The following IGF1R variants were observed in gnomAD, a reference collection of about 807,000 sequenced individuals.
The protein encoded by IGF1R is insulin-like growth factor 1 receptor.
IGF1R carries 44 observed loss-of-function variants against 144.6 expected under a neutral mutation model. The ratio of observed to expected loss-of-function variants is 0.30; its 90% CI spans 0.24 to 0.39. The LOEUF (loss-of-function observed/expected upper bound fraction) is 0.39. Ranked by LOEUF, IGF1R falls within the 10% of genes least tolerant of loss-of-function variation. IGF1R has a pLI of 1.00. For missense variants in IGF1R, 1,355 were observed against 1,833.7 expected (o/e 0.74, Z 4.77); for synonymous variants, 795 against 722.8 (o/e 1.10, Z -1.60).
chr15:98,762,278 C>T (rs2055324208), intron 2 of IGF1R, among the ~76,000 whole-genome samples: 2 of 146,532 alleles, frequency 1.4e-5, no homozygotes, highest in South Asian at 4.3e-4. Context: ...GGCTCTGCTG[C>T]CCAGGCTGGA....
At chr15:98,815,692 G>A (rs187375799) in intron 2 of IGF1R, among the ~76,000 whole-genome samples, 181 of 152,238 alleles carry the variant, frequency 1.2e-3, no homozygotes, top group East Asian at 2.9e-3. Context: ...GGAGAGTTTT[G>A]TGTGACTCTG....
intron 2 of IGF1R, among the ~76,000 whole-genome samples, chr15:98,781,207 C>T (rs1176228893): frequency 6.6e-6 from 1 of 152,190 alleles, no homozygotes; most frequent in African/African-American, 2.4e-5. Flanking sequence ...CACTTCTTCC[C>T]AAATTGATTT....
intron 2 of IGF1R, among the ~76,000 whole-genome samples, chr15:98,864,033 A>G (rs531365093): frequency 1.3e-5 from 2 of 152,242 alleles, no homozygotes; most frequent in African/African-American, 4.8e-5. Context: ...CATAGGCAAG[A>G]GGATTGCTTG....
intron 2 of IGF1R, among the ~76,000 whole-genome samples, chr15:98,825,824 A>G (rs370088242): frequency 1.1e-4 from 16 of 152,048 alleles, no homozygotes; most frequent in African/African-American, 3.9e-4. Context: ...CAAGCATCCT[A>G]TTTTTTTTCC....
intron 1 of IGF1R, among the ~76,000 whole-genome samples, chr15:98,666,702 G>A (rs749050389): frequency 2.6e-5 from 4 of 152,212 alleles, no homozygotes; most frequent in South Asian, 2.1e-4. Context: ...TCATAGAGAC[G>A]GAAAGTAGAA....
intron 1 of IGF1R, among the ~76,000 whole-genome samples, chr15:98,653,749 C>T (rs997397057): frequency 6.6e-6 from 1 of 152,212 alleles, no homozygotes; most frequent in African/African-American, 2.4e-5. Context: ...TTGTCTAAGG[C>T]TTAGTTTACT....
chr15:98,825,979 C>T (rs890280203), intron 2 of IGF1R, among the ~76,000 whole-genome samples: 8 of 152,116 alleles, frequency 5.3e-5, no homozygotes, highest in Admixed American at 4.6e-4. Flanking sequence ...GTGACCTTTC[C>T]ATACTTTTCA....
intron 2 of IGF1R, among the ~76,000 whole-genome samples, chr15:98,864,900 A>G (rs1462889124): frequency 1.3e-5 from 2 of 152,218 alleles, no homozygotes; most frequent in African/African-American, 4.8e-5. Flanking sequence ...TAATTTTATT[A>G]TGGCCCTCAC....
At chr15:98,877,036 A>C (rs531125268) in intron 2 of IGF1R, among the ~76,000 whole-genome samples, 1 of 152,236 alleles carries the variant, frequency 6.6e-6, no homozygotes, top group Non-Finnish European at 1.5e-5. Flanking sequence ...GCCATCAGAA[A>C]GTAACCAGAT....
At chr15:98,772,772 A>G (rs1048975862) in intron 2 of IGF1R, among the ~76,000 whole-genome samples, 3 of 151,714 alleles carry the variant, frequency 2.0e-5, no homozygotes, top group Non-Finnish European at 2.9e-5. Flanking sequence ...GGAGGAATCA[A>G]TAACAGGAAC....
chr15:98,909,771 G>A (rs1314124142), intron 6 of IGF1R, among the ~76,000 whole-genome samples: 1 of 152,164 alleles, frequency 6.6e-6, no homozygotes, highest in Non-Finnish European at 1.5e-5. Flanking sequence ...GCCCTGAGTT[G>A]ATATTGCTTT....
At chr15:98,910,058 A>T (rs750471031) in intron 6 of IGF1R, among the ~76,000 whole-genome samples, 1 of 152,222 alleles carries the variant, frequency 6.6e-6, no homozygotes, top group African/African-American at 2.4e-5. Context: ...GCAAATCAGA[A>T]CCGATGCGTG....
intron 1 of IGF1R, among the ~76,000 whole-genome samples, chr15:98,681,139 C>T (rs1206712185): frequency 2.0e-5 from 3 of 152,176 alleles, no homozygotes; most frequent in Non-Finnish European, 4.4e-5. Flanking sequence ...GCATCCCTGT[C>T]ATTAAGTGAT....
chr15:98,728,664 G>A (rs1170501983), intron 2 of IGF1R, among the ~76,000 whole-genome samples: 3 of 152,250 alleles, frequency 2.0e-5, no homozygotes, highest in African/African-American at 4.8e-5. Context: ...GGGCCGCCTG[G>A]GCGGGGTCAG....
chr15:98,866,719 C>T (rs1045588275), intron 2 of IGF1R, among the ~76,000 whole-genome samples: 1 of 152,098 alleles, frequency 6.6e-6, no homozygotes, highest in Non-Finnish European at 1.5e-5. Context: ...GAAGCGCTGG[C>T]GGTCGTTTCG....
intron 2 of IGF1R, among the ~76,000 whole-genome samples, chr15:98,868,186 G>T (rs1237702343): frequency 6.6e-6 from 1 of 151,666 alleles, no homozygotes; most frequent in East Asian, 1.9e-4. Flanking sequence ...GTGAAACTCT[G>T]TCTCCAAAAA....
intron 2 of IGF1R, among the ~76,000 whole-genome samples, chr15:98,749,898 T>C (rs2054965011): frequency 6.6e-6 from 1 of 152,182 alleles, no homozygotes; most frequent in East Asian, 1.9e-4. Flanking sequence ...TTTTTTTTTT[T>C]TTTTGGCTTA....
intron 2 of IGF1R, among the ~76,000 whole-genome samples, chr15:98,835,211 A>T (rs895136000): frequency 6.7e-6 from 1 of 150,254 alleles, no homozygotes; most frequent in Non-Finnish European, 1.5e-5. Context: ...TCCCACACAG[A>T]CCTACACCCA....
chr15:98,932,444 T>G (rs1429702260), intron 15 of IGF1R, among the ~76,000 whole-genome samples: 5 of 152,240 alleles, frequency 3.3e-5, no homozygotes, highest in African/African-American at 1.2e-4. Context: ...AAACCGCTCC[T>G]GGCTGGTGGC....
Sources: allele counts gnomAD v4.1 joint callset (sites outside exome capture counted in the v4.1 genomes callset), GRCh38; gene constraint gnomAD v4.1.1; transcripts MANE v1.5; gene names NCBI Gene and HGNC (gene_info 2026-07-23, HGNC 2026-07-21).